Variants in SLC44A5 observed in about 807,000 individuals in gnomAD.
SLC44A5 encodes the protein choline transporter-like protein 5.
In SLC44A5, 57 loss-of-function variants were observed where a neutral mutation model predicts 101.8. The observed-to-expected ratio is 0.56, with a 90% CI of 0.45 to 0.70. The LOEUF (loss-of-function observed/expected upper bound fraction) is 0.70, where lower values mean the gene tolerates loss of function less well. Among genes scored for constraint, SLC44A5 ranks in the 30% least tolerant of loss-of-function variants. The pLI is 0.00. For synonymous variants in SLC44A5, 281 were observed against 290.9 expected (o/e 0.97, Z 0.35); for missense variants, 737 against 853.1 (o/e 0.86, Z 1.70).
intron 3 of SLC44A5, among the ~76,000 whole-genome samples, chr1:75,347,430 G>C (rs895916097): frequency 6.6e-6 from 1 of 152,100 alleles, no homozygotes; most frequent in Non-Finnish European, 1.5e-5. Context: ...AAAAACTACA[G>C]GTGGAGTATT....
At chr1:75,332,900 T>C (rs1657156339) in intron 4 of SLC44A5, among the ~76,000 whole-genome samples, 1 of 152,200 alleles carries the variant, frequency 6.6e-6, no homozygotes, top group South Asian at 2.1e-4. Context: ...TCTCAAATCA[T>C]TGTGACAACA....
intron 1 of SLC44A5, among the ~76,000 whole-genome samples, chr1:75,547,060 T>C (rs1046769611): frequency 1.3e-5 from 2 of 152,182 alleles, no homozygotes; most frequent in Non-Finnish European, 2.9e-5. Context: ...GAAAAGTTTA[T>C]AGGAATGGCC....
chr1:75,481,668 T>G (rs1461646931), intron 2 of SLC44A5, among the ~76,000 whole-genome samples: 1 of 152,046 alleles, frequency 6.6e-6, no homozygotes, highest in Non-Finnish European at 1.5e-5. Context: ...TCACCATCAC[T>G]GGCCATCAGA....
intron 2 of SLC44A5, among the ~76,000 whole-genome samples, chr1:75,531,961 G>A (rs901980060): frequency 1.3e-5 from 2 of 152,174 alleles, no homozygotes; most frequent in Non-Finnish European, 2.9e-5. Context: ...CGTGCTACAT[G>A]ACTAGACCAA....
At chr1:75,665,726 G>A in the SLC44A5 span, among the ~76,000 whole-genome samples, 1 of 152,026 alleles carries the variant, frequency 6.6e-6, no homozygotes, top group South Asian at 2.1e-4. Flanking sequence ...CTAGAACTAT[G>A]CATTCTAATA....
chr1:75,404,780 T>C (rs1470910168), intron 2 of SLC44A5, among the ~76,000 whole-genome samples: 1 of 152,196 alleles, frequency 6.6e-6, no homozygotes, highest in Non-Finnish European at 1.5e-5. Context: ...ATGAAGACAC[T>C]ACATCAACTA....
chr1:75,501,278 C>T (rs530026817), intron 2 of SLC44A5, among the ~76,000 whole-genome samples: 2 of 152,270 alleles, frequency 1.3e-5, no homozygotes, highest in South Asian at 4.1e-4. Flanking sequence ...CAGTAAAAGC[C>T]TCTCCAGGAA....
intron 2 of SLC44A5, among the ~76,000 whole-genome samples, chr1:75,408,106 G>GA (rs757379109): frequency 3.9e-5 from 6 of 152,090 alleles, no homozygotes; most frequent in Non-Finnish European, 8.8e-5. Context: ...ACAAACATAT[G>GA]AAAAAAAGCT....
chr1:75,351,786 C>T lies in SLC44A5; in HGVS notation c.53-12156G>A, dbSNP rs1390905816. ...TTCCAGTCTTTGAGATTCTAACTGT[C>T]GCCCCACCCCCCCAAACCATCCCCC... On this transcript the variant is annotated intron_variant, in intron 3 of 23. Transcript: ENST00000370859. Among the ~76,000 whole-genome samples the T allele has an allele frequency of 4.4e-5, 6 of 136,790 alleles. No homozygotes were observed. The South Asian group carries it at 1.0e-3, about 23-fold the overall frequency. The allele number at this position is 136,790 out of a possible 152,430, so 89.7% of individuals were successfully genotyped here. A position where few individuals can be genotyped will look rare whatever the true frequency, so the allele number is the denominator to read the frequency against.
intron 1 of SLC44A5, among the ~76,000 whole-genome samples, chr1:75,559,638 A>G (rs1177695232): frequency 6.6e-6 from 1 of 152,164 alleles, no homozygotes; most frequent in Non-Finnish European, 1.5e-5. Flanking sequence ...TCAAATGTTT[A>G]TCACATGACA....
intron 1 of SLC44A5, among the ~76,000 whole-genome samples, chr1:75,564,901 C>T (rs1032779957): frequency 2.2e-4 from 33 of 152,138 alleles, no homozygotes; most frequent in Admixed American, 4.6e-4. Context: ...GGATTACAGG[C>T]GTGAGCCACT....
At chr1:75,350,234 G>A (rs1041317207) in intron 3 of SLC44A5, among the ~76,000 whole-genome samples, 6 of 151,708 alleles carry the variant, frequency 4.0e-5, no homozygotes, top group Non-Finnish European at 8.8e-5. Flanking sequence ...TCCCTTTGCC[G>A]TGTGAGGACA....
At position 75,340,728 on chromosome 1, in the gene SLC44A5, A is replaced by G. The variant is rs556181629; in HGVS notation, c.53-1098T>C. The stretch of plus-strand genomic sequence containing the variant: ...TGGATCTGGTTCAGATATTGGATCC[A>G]AGCTGGGCCAGTCAGATTCTCAATC... On this transcript the variant is annotated intron_variant, in intron 3 of 23. Transcript: ENST00000370859. Among the ~76,000 whole-genome samples, 337 of 152,326 alleles carry G rather than the reference A, an allele frequency of 2.2e-3. 3 individuals are homozygous for G. The South Asian group carries it at 0.034, about 15-fold the overall frequency.
intron 1 of SLC44A5, among the ~76,000 whole-genome samples, chr1:75,587,483 T>C (rs1308231042): frequency 6.6e-6 from 1 of 152,232 alleles, no homozygotes; most frequent in Non-Finnish European, 1.5e-5. Flanking sequence ...CATCATTTAA[T>C]GTGAACCTCG....
At chr1:75,324,799 C>G (rs978900369) in intron 4 of SLC44A5, among the ~76,000 whole-genome samples, 1 of 152,044 alleles carries the variant, frequency 6.6e-6, no homozygotes, top group Non-Finnish European at 1.5e-5. Context: ...ATTTTTAACC[C>G]ATAATTTTTA....
chr1:75,418,828 A>G (rs1049769124), intron 2 of SLC44A5, among the ~76,000 whole-genome samples: 8 of 152,214 alleles, frequency 5.3e-5, no homozygotes, highest in Non-Finnish European at 1.2e-4. Flanking sequence ...AAAGCAGGAG[A>G]AACTTCTGCT....
chr1:75,370,485 G>A (rs1316323982), intron 3 of SLC44A5, among the ~76,000 whole-genome samples: 6 of 152,134 alleles, frequency 3.9e-5, no homozygotes, highest in Non-Finnish European at 8.8e-5. Context: ...CAAATACCTG[G>A]AGGTGACCTC....
intron 2 of SLC44A5, among the ~76,000 whole-genome samples, chr1:75,490,722 A>G (rs1668381576): frequency 6.6e-6 from 1 of 152,208 alleles, no homozygotes; most frequent in Admixed American, 6.5e-5. Flanking sequence ...GTGTCTCCAC[A>G]TGCTCATTCA....
intron 2 of SLC44A5, among the ~76,000 whole-genome samples, chr1:75,514,817 A>G (rs1267699832): frequency 6.6e-6 from 1 of 152,200 alleles, no homozygotes; most frequent in East Asian, 1.9e-4. Context: ...TTAAGACTGA[A>G]AAGAAAATAT....
Sources: gnomAD v4.1 joint callset for allele counts (sites outside exome capture counted in the v4.1 genomes callset) on GRCh38, gnomAD v4.1.1 for gene constraint, MANE v1.5 for transcripts, NCBI Gene and HGNC (gene_info 2026-07-23, HGNC 2026-07-21) for gene names.